Variants in PLEKHA7 observed in about 807,000 individuals in gnomAD.
PLEKHA7 encodes the protein pleckstrin homology domain containing A7.
Under a neutral mutation model 170.0 loss-of-function variants are expected in PLEKHA7, and 104 were observed. That is an observed-to-expected ratio of 0.61 (90% CI 0.52 to 0.72). PLEKHA7 has a LOEUF of 0.72. Among genes scored for constraint, PLEKHA7 ranks in the 30% least tolerant of loss-of-function variants. PLEKHA7 has a pLI of 0.00. For synonymous variants in PLEKHA7, 648 were observed against 660.8 expected (o/e 0.98, Z 0.30); for missense variants, 1,615 against 1,671.7 (o/e 0.97, Z 0.59).
chr11:16,949,854 C>A (rs931946376), intron 3 of PLEKHA7, among the ~76,000 whole-genome samples: 1 of 151,790 alleles, frequency 6.6e-6, no homozygotes, highest in East Asian at 1.9e-4. Context: ...AAACTGGAGA[C>A]AAACAGATGG....
intron 3 of PLEKHA7, among the ~76,000 whole-genome samples, chr11:17,006,710 C>A (rs1235471012): frequency 6.6e-6 from 1 of 151,666 alleles, no homozygotes; most frequent in East Asian, 1.9e-4. Flanking sequence ...CCATGAAGTT[C>A]AACATTTATC....
intron 3 of PLEKHA7, among the ~76,000 whole-genome samples, chr11:17,002,179 C>T (rs1052217711): frequency 3.7e-4 from 56 of 152,206 alleles, no homozygotes; most frequent in Non-Finnish European, 1.0e-4. Context: ...TTCTGCCTCA[C>T]AGTCATCAGG....
intron 9 of PLEKHA7, among the ~76,000 whole-genome samples, chr11:16,835,300 C>T (rs1851429890): frequency 6.6e-6 from 1 of 152,108 alleles, no homozygotes; most frequent in Non-Finnish European, 1.5e-5. Context: ...GCAGTGAGGA[C>T]TCTTAGCTCT....
intron 3 of PLEKHA7, among the ~76,000 whole-genome samples, chr11:17,009,363 G>C (rs1184983200): frequency 2.0e-5 from 3 of 152,168 alleles, no homozygotes; most frequent in Admixed American, 2.0e-4. Context: ...GAATGTCCAG[G>C]ATTACGGCAA....
intron 3 of PLEKHA7, among the ~76,000 whole-genome samples, chr11:16,980,814 G>T (rs1863381557): frequency 6.6e-6 from 1 of 152,112 alleles, no homozygotes; most frequent in Non-Finnish European, 1.5e-5. Flanking sequence ...TTGAACCCGG[G>T]AGGCGGAGGT....
At position 16,817,178 on chromosome 11, in the gene PLEKHA7, C is replaced by T. The variant is rs1335899986; in HGVS notation, c.1488G>A (p.Lys496=). Residue 496 remains lysine (K), a synonymous_variant, in exon 11 of 27, where the codon AAG becomes AAA. Coordinates refer to ENST00000531066, the MANE Select transcript of PLEKHA7 (RefSeq NM_001329630.2). The surrounding 1 kb of genome is among the most constrained non-coding windows in gnomAD (Gnocchi z 4.4). ...PPPRNLPSDY[K]YAQDRASHLK... ...GGTGGCTGGCTCGGTCCTGCGCATA[C>T]TTGTAGTCACTTGGCAGGTTTCGGG... The T allele has an allele frequency of 3.7e-6, 6 of 1,614,174 alleles. No homozygotes were observed. Among genetic ancestry groups the T allele is most frequent in the Non-Finnish European group, 5.1e-6 (6 of 1,180,022 alleles).
chr11:16,816,330 C>T (rs754758825), intron 11 of PLEKHA7, 66 bp from the exon 12 acceptor site: 89 of 1,137,744 alleles, frequency 7.8e-5, no homozygotes, highest in East Asian at 2.4e-4. Context: ...CCAGGGAAGC[C>T]GCCCCATGCC....
chr11:16,895,117 C>A (rs764739501), intron 3 of PLEKHA7, among the ~76,000 whole-genome samples: 1 of 152,082 alleles, frequency 6.6e-6, no homozygotes, highest in African/African-American at 2.4e-5. Context: ...ACGGCCAAAC[C>A]GATTCCTTAC....
rs140376908 is a variant in PLEKHA7, at chr11:16,808,216, T to C, written c.2007+4897A>G. On this transcript the variant is annotated intron_variant, in intron 13 of 26. Transcript: ENST00000531066. ...TTTGTTTGTTTTAATTAAGTAGTAA[T>C]ACCTGAATATTACCAATTAAATCAC... Among the ~76,000 whole-genome samples, 1,212 of 152,370 alleles carry C rather than the reference T, an allele frequency of 8.0e-3. 18 individuals are homozygous for C. The highest frequency in any genetic ancestry group is 0.027 in the African/African-American group (1,125 of 41,580).
intron 6 of PLEKHA7, among the ~76,000 whole-genome samples, chr11:16,854,064 G>A (rs1853216042): frequency 6.6e-6 from 1 of 152,234 alleles, no homozygotes; most frequent in Non-Finnish European, 1.5e-5. Flanking sequence ...TCGAGGGCAG[G>A]AACCACGTTA....
At chr11:16,785,373 G>A in intron 24 of PLEKHA7, among the ~76,000 whole-genome samples, 1 of 152,202 alleles carries the variant, frequency 6.6e-6, no homozygotes, top group Non-Finnish European at 1.5e-5. Context: ...TTGTACAAAT[G>A]CTTTTGGTAC....
Position 17,014,193 on chromosome 11 carries a change from A to G in PLEKHA7, c.95T>C (p.Leu32Pro), listed in dbSNP as rs200126779. The part of the protein sequence containing the change: ...DGRVFFINDQ[L>P]RCTTWLHPRT... ...CGGATGCAGCCAGGTCGTGCAGCGG[A>G]GCTGGTCACTGCGGGCAGAGAGGTG... Residue 32 changes from leucine (L) to proline (P), a missense_variant, in exon 2 of 27, where the codon CTC (leucine) becomes CCC (proline). By Grantham distance (98) the Leu-to-Pro change is moderately conservative. Transcript: ENST00000531066. The G allele has an allele frequency of 1.2e-4, 192 of 1,590,928 alleles. No individual in the cohort carries two copies. The Middle Eastern group carries it at 1.3e-3, about 11-fold the overall frequency.
chr11:16,913,918 C>T (rs1640793588), intron 3 of PLEKHA7, among the ~76,000 whole-genome samples: 1 of 152,162 alleles, frequency 6.6e-6, no homozygotes, highest in Non-Finnish European at 1.5e-5. Context: ...CTAGGAATCC[C>T]AGTTCCAGGA....
At chr11:16,851,913 T>G (rs919674958) in intron 7 of PLEKHA7, among the ~76,000 whole-genome samples, 22 of 152,232 alleles carry the variant, frequency 1.4e-4, no homozygotes, top group African/African-American at 5.3e-4. Flanking sequence ...ATTTTGAGAC[T>G]CCCTCTTAAC....
intron 3 of PLEKHA7, among the ~76,000 whole-genome samples, chr11:16,906,995 G>C (rs1437929814): frequency 2.7e-5 from 4 of 149,608 alleles, no homozygotes; most frequent in African/African-American, 1.0e-4. Context: ...GAAGTGAGGA[G>C]ACCCTCTGCC....
chr11:16,915,214 A>G (rs1858548878), intron 3 of PLEKHA7, among the ~76,000 whole-genome samples: 1 of 152,168 alleles, frequency 6.6e-6, no homozygotes, highest in South Asian at 2.1e-4. Flanking sequence ...AACTCACAAC[A>G]TCTCTGAGGC....
At chr11:16,900,898 T>C (rs191077836) in intron 3 of PLEKHA7, among the ~76,000 whole-genome samples, 11 of 151,240 alleles carry the variant, frequency 7.3e-5, no homozygotes, top group Admixed American at 6.6e-4. Context: ...CAGGCTGGAG[T>C]GCAGTGGCGC....
At chr11:16,912,616 A>G (rs1190221088) in intron 3 of PLEKHA7, among the ~76,000 whole-genome samples, 2 of 152,198 alleles carry the variant, frequency 1.3e-5, no homozygotes, top group African/African-American at 2.4e-5. Flanking sequence ...AAAACAAGGC[A>G]TCTCATCTTA....
chr11:16,789,951 A>G lies in PLEKHA7; in HGVS notation c.3053-73T>C, dbSNP rs1847722718. The G allele has an allele frequency of 1.5e-6, 2 of 1,317,244 alleles. No individual in the cohort carries two copies. The highest frequency in any genetic ancestry group is 2.4e-5 in the South Asian group (2 of 82,630). 81.6% of individuals were successfully genotyped at this position (1,317,244 alleles called of 1,614,324 possible). The stretch of plus-strand genomic sequence containing the variant: ...GGTCCCTGCTTCTCCCTCATCACAC[A>G]TTCTTGCAGGAGTACCAAGAGCACC... On this transcript the variant is annotated intron_variant, in intron 21 of 26. Transcript: ENST00000531066. The surrounding 1 kb of genome is among the most constrained non-coding windows in gnomAD (Gnocchi z 4.6).
Sources: gnomAD v4.1 joint callset for allele counts (sites outside exome capture counted in the v4.1 genomes callset) on GRCh38, gnomAD v4.1.1 for gene constraint, Gnocchi (gnomAD v3.1) non-coding constraint, MANE v1.5 for transcripts, NCBI Gene and HGNC (gene_info 2026-07-23, HGNC 2026-07-21) for gene names.